Variants in CSMD1 observed in about 807,000 individuals in gnomAD.
The protein encoded by CSMD1 is CUB and Sushi multiple domains 1.
Under a neutral mutation model 417.5 loss-of-function variants are expected in CSMD1, and 213 were observed. The ratio of observed to expected loss-of-function variants is 0.51; its 90% CI spans 0.46 to 0.57. CSMD1 has a LOEUF of 0.57. Ranked by LOEUF, CSMD1 falls within the 20% of genes least tolerant of loss-of-function variation. CSMD1 has a pLI of 0.00. For missense variants in CSMD1, 6,923 were observed against 4,529.7 expected, an observed-to-expected ratio of 1.53 and a Z score of -15.17; for synonymous variants, 2,862 against 1,736.8, an observed-to-expected ratio of 1.65 and a Z score of -16.11.
At chr8:3,600,325 G>A (rs1429452497) in intron 8 of CSMD1, among the ~76,000 whole-genome samples, 3 of 152,170 alleles carry the variant, frequency 2.0e-5, no homozygotes, top group Non-Finnish European at 2.9e-5. Flanking sequence ...GTTGAAGGGT[G>A]GAGTGGGTGG....
intron 50 of CSMD1, among the ~76,000 whole-genome samples, chr8:3,041,298 G>C (rs759432800): frequency 1.3e-5 from 2 of 151,962 alleles, no homozygotes; most frequent in Non-Finnish European, 2.9e-5. Flanking sequence ...ATTTTTTCTT[G>C]TTTTCTTTAC....
At chr8:3,705,246 G>T (rs2129038541) in intron 7 of CSMD1, among the ~76,000 whole-genome samples, 1 of 152,298 alleles carries the variant, frequency 6.6e-6, no homozygotes, top group East Asian at 1.9e-4. Context: ...AAATCCAGAG[G>T]GACATGAACG....
At chr8:3,509,417 C>G (rs952310889) in intron 10 of CSMD1, among the ~76,000 whole-genome samples, 2 of 152,164 alleles carry the variant, frequency 1.3e-5, no homozygotes, top group African/African-American at 2.4e-5. Context: ...ACAATTTTCT[C>G]AGGACAATGT....
intron 3 of CSMD1, among the ~76,000 whole-genome samples, chr8:4,418,446 A>C (rs1438231005): frequency 6.6e-6 from 1 of 152,164 alleles, no homozygotes; most frequent in Non-Finnish European, 1.5e-5. Context: ...CTCAACAGCG[A>C]TGGAGTTTTC....
chr8:3,296,076 T>A (rs1803943493), intron 25 of CSMD1, among the ~76,000 whole-genome samples: 1 of 151,740 alleles, frequency 6.6e-6, no homozygotes, highest in Non-Finnish European at 1.5e-5. Flanking sequence ...GAATATGGAA[T>A]GTTAGTAGGT....
At chr8:3,397,662 C>T (rs943143019) in intron 16 of CSMD1, among the ~76,000 whole-genome samples, 1 of 152,190 alleles carries the variant, frequency 6.6e-6, no homozygotes, top group Non-Finnish European at 1.5e-5. Context: ...AGAAGTCTGG[C>T]TAAGCGTGAA....
chr8:3,100,640 C>G (rs564732011), intron 46 of CSMD1, among the ~76,000 whole-genome samples: 2 of 152,178 alleles, frequency 1.3e-5, no homozygotes, highest in Non-Finnish European at 2.9e-5. Context: ...ACCTGCGCCT[C>G]GAGTTATGAT....
chr8:3,873,163 A>T (rs1046096177), intron 5 of CSMD1, among the ~76,000 whole-genome samples: 1 of 152,158 alleles, frequency 6.6e-6, no homozygotes, highest in African/African-American at 2.4e-5. Flanking sequence ...CAAAGACCTA[A>T]AAACAGAACT....
intron 1 of CSMD1, among the ~76,000 whole-genome samples, chr8:4,804,510 C>T (rs1243579621): frequency 1.3e-5 from 2 of 149,226 alleles, no homozygotes; most frequent in African/African-American, 5.0e-5. Flanking sequence ...ATATTACCAC[C>T]AGACAAAAGA....
intron 10 of CSMD1, among the ~76,000 whole-genome samples, chr8:3,560,614 G>T (rs565223381): frequency 5.3e-4 from 80 of 152,242 alleles, no homozygotes; most frequent in South Asian, 3.7e-3. Context: ...AGAGAAAAGG[G>T]GGAATGAGAT....
intron 50 of CSMD1, among the ~76,000 whole-genome samples, chr8:3,039,750 C>A: frequency 6.6e-6 from 1 of 152,096 alleles, no homozygotes. Flanking sequence ...TCTATAGCAA[C>A]TTGAGTTACA....
At chr8:3,638,150 C>T (rs1366947714) in intron 7 of CSMD1, among the ~76,000 whole-genome samples, 1 of 152,144 alleles carries the variant, frequency 6.6e-6, no homozygotes, top group Non-Finnish European at 1.5e-5. Context: ...ATCTCCTGCC[C>T]CTCACTGATG....
chr8:4,549,848 G>T lies in CSMD1; in HGVS notation c.302+87494C>A, dbSNP rs75557607. On this transcript the variant is annotated intron_variant, in intron 2 of 69. Transcript: ENST00000635120. ...GGAGGCAGAGGTTGCAATGAGCCAA[G>T]ATCTTGCCACTGCACTCCAGCCAGA... Among the ~76,000 whole-genome samples, 115 of 122,034 alleles carry T rather than the reference G, an allele frequency of 9.4e-4. 1 individual carries two copies. Among genetic ancestry groups the T allele is most frequent in the African/African-American group, 3.3e-3 (109 of 32,698 alleles). The allele number at this position is 122,034 out of a possible 152,430, so 80.1% of individuals were successfully genotyped here. A position where few individuals can be genotyped will look rare whatever the true frequency, so the allele number is the denominator to read the frequency against.
chr8:3,459,676 G>T (rs967762490), intron 12 of CSMD1, among the ~76,000 whole-genome samples: 7 of 152,086 alleles, frequency 4.6e-5, no homozygotes, highest in African/African-American at 1.4e-4. Flanking sequence ...ACCAGAGAGG[G>T]CACCGGATAT....
chr8:4,117,725 T>C (rs2130931004), intron 3 of CSMD1, among the ~76,000 whole-genome samples: 1 of 152,256 alleles, frequency 6.6e-6, no homozygotes, highest in East Asian at 1.9e-4. Flanking sequence ...ACATAGCTTT[T>C]AGAGAAGTAA....
intron 5 of CSMD1, among the ~76,000 whole-genome samples, chr8:3,765,523 T>C (rs1237385284): frequency 1.3e-5 from 2 of 152,256 alleles, no homozygotes; most frequent in Non-Finnish European, 2.9e-5. Context: ...AACTCAGACA[T>C]CTTCCTCTTC....
intron 1 of CSMD1, among the ~76,000 whole-genome samples, chr8:4,689,720 C>T (rs538681034): frequency 5.3e-5 from 8 of 152,162 alleles, no homozygotes; most frequent in South Asian, 4.2e-4. Context: ...AACTGCAGAT[C>T]GTCTTTGGCT....
intron 1 of CSMD1, among the ~76,000 whole-genome samples, chr8:4,874,372 C>A (rs938916737): frequency 6.9e-6 from 1 of 144,656 alleles, no homozygotes. Flanking sequence ...TGGAGGAGAT[C>A]TTTCAATCCG....
chr8:3,228,476 T>C (rs1224794962), intron 27 of CSMD1, among the ~76,000 whole-genome samples: 1 of 152,198 alleles, frequency 6.6e-6, no homozygotes, highest in Non-Finnish European at 1.5e-5. Context: ...GCCAAAATAA[T>C]TGATTATTCA....
Sources: allele counts gnomAD v4.1 joint callset (sites outside exome capture counted in the v4.1 genomes callset), GRCh38; gene constraint gnomAD v4.1.1; transcripts MANE v1.5; gene names NCBI Gene and HGNC (gene_info 2026-07-23, HGNC 2026-07-21).